The following DOK6 variants were observed in gnomAD, a reference collection of about 807,000 sequenced individuals.
DOK6 encodes the protein downstream of tyrosine kinase 6.
DOK6 carries 22 observed loss-of-function variants against 44.0 expected under a neutral mutation model. That is an observed-to-expected ratio of 0.50 (90% CI 0.36 to 0.71). DOK6 has a LOEUF of 0.71. DOK6 is among the 30% of genes least tolerant of loss of function. DOK6 has a pLI of 0.00. For synonymous variants in DOK6, 166 were observed against 145.5 expected (o/e 1.14, Z -1.01); for missense variants, 340 against 416.4 (o/e 0.82, Z 1.60).
rs937235882 is a variant in DOK6 at position 69,847,890 on chromosome 18, G to A, written c.*6507G>A. On this transcript the variant is annotated 3_prime_UTR_variant, in exon 8 of 8. Coordinates refer to ENST00000382713, the MANE Select transcript of DOK6 (RefSeq NM_152721.6). ...TACTGTATTACTTTAGTTATAGCAA[G>A]CAGTACATAAATGACATCAACAACT... is the stretch of plus-strand genomic sequence containing the variant. The A allele has an allele frequency of 6.6e-6, 1 of 151,934 alleles. No homozygotes were observed. Among genetic ancestry groups the A allele is most frequent in the Non-Finnish European group, 1.5e-5 (1 of 67,994 alleles). 9.4% of individuals were successfully genotyped at this position (151,934 alleles called of 1,614,324 possible). A position where few individuals can be genotyped will look rare whatever the true frequency, so the allele number is the denominator to read the frequency against.
intron 1 of DOK6, among the ~76,000 whole-genome samples, chr18:69,551,801 T>A (rs191846366): frequency 3.5e-4 from 53 of 152,358 alleles, no homozygotes; most frequent in Admixed American, 1.5e-3. Flanking sequence ...TTTTAATATA[T>A]GTGTATTGTT....
intron 7 of DOK6, among the ~76,000 whole-genome samples, chr18:69,811,314 T>C (rs1409337909): frequency 6.6e-6 from 1 of 151,722 alleles, no homozygotes; most frequent in Admixed American, 6.6e-5. Context: ...GGGGAGCTGA[T>C]GGATTGGGGA....
chr18:69,731,105 A>T (rs570495588), intron 5 of DOK6, among the ~76,000 whole-genome samples: 1 of 152,246 alleles, frequency 6.6e-6, no homozygotes, highest in East Asian at 1.9e-4. Flanking sequence ...ACTAAAAAAA[A>T]TGTGGTACTT....
At chr18:69,830,519 C>T (rs915282344) in intron 7 of DOK6, among the ~76,000 whole-genome samples, 3 of 152,112 alleles carry the variant, frequency 2.0e-5, no homozygotes, top group Non-Finnish European at 4.4e-5. Context: ...AGGAAAGAGG[C>T]CTCAGAAGAA....
chr18:69,626,635 G>C (rs926930233), intron 3 of DOK6, among the ~76,000 whole-genome samples: 3 of 152,158 alleles, frequency 2.0e-5, no homozygotes, highest in African/African-American at 7.2e-5. Flanking sequence ...AATCGAGGCA[G>C]GAAAAACTGG....
intron 1 of DOK6, among the ~76,000 whole-genome samples, chr18:69,517,504 C>T (rs1409578512): frequency 6.6e-6 from 1 of 152,110 alleles, no homozygotes; most frequent in African/African-American, 2.4e-5. Flanking sequence ...ATGGGAGTCT[C>T]TTCTATAATC....
At chr18:69,685,210 TAA>T (rs1986125615) in intron 4 of DOK6, among the ~76,000 whole-genome samples, 1 of 152,182 alleles carries the variant, frequency 6.6e-6, no homozygotes, top group Non-Finnish European at 1.5e-5. Flanking sequence ...TTGGTATACG[TAA>T]GTTTCGATTA....
At chr18:69,579,918 C>T (rs12967039) in intron 2 of DOK6, among the ~76,000 whole-genome samples, 60,268 of 151,944 alleles carry the variant, frequency 0.4, 13,594 homozygotes, top group South Asian at 0.5. Context: ...CCACTCTGCC[C>T]GGCCAGAAGT....
chr18:69,454,984 C>T (rs1599139298), intron 1 of DOK6, among the ~76,000 whole-genome samples: 1 of 143,826 alleles, frequency 7.0e-6, no homozygotes, highest in African/African-American at 2.6e-5. Context: ...GGGTGCAGCG[C>T]ACCAGCATGG....
chr18:69,665,180 C>CA (rs1322581912), intron 3 of DOK6, among the ~76,000 whole-genome samples: 5 of 147,866 alleles, frequency 3.4e-5, no homozygotes, highest in East Asian at 2.0e-4. Context: ...GACTCCGTCT[C>CA]AAAAAAAAGA....
At chr18:69,791,440 G>C (rs1209737064) in intron 7 of DOK6, among the ~76,000 whole-genome samples, 1 of 152,098 alleles carries the variant, frequency 6.6e-6, no homozygotes, top group Non-Finnish European at 1.5e-5. Flanking sequence ...TTGAATAAAA[G>C]CCATTTTAAC....
chr18:69,686,110 G>T (rs757814386), intron 4 of DOK6, among the ~76,000 whole-genome samples: 10 of 152,054 alleles, frequency 6.6e-5, no homozygotes, highest in Non-Finnish European at 1.2e-4. Context: ...GGCAGAGACA[G>T]AGGGAAAACC....
chr18:69,657,330 G>T (rs928818173), intron 3 of DOK6, among the ~76,000 whole-genome samples: 1 of 152,148 alleles, frequency 6.6e-6, no homozygotes, highest in African/African-American at 2.4e-5. Context: ...TGCCACATAT[G>T]AATTTTAACT....
At chr18:69,657,494 T>C (rs1985398964) in intron 3 of DOK6, among the ~76,000 whole-genome samples, 1 of 152,166 alleles carries the variant, frequency 6.6e-6, no homozygotes, top group Non-Finnish European at 1.5e-5. Flanking sequence ...GTTATAGGAA[T>C]CCTCTGAGAT....
intron 1 of DOK6, among the ~76,000 whole-genome samples, chr18:69,406,678 T>C (rs1463998342): frequency 6.6e-6 from 1 of 152,166 alleles, no homozygotes; most frequent in Non-Finnish European, 1.5e-5. Flanking sequence ...AGTGCTACAG[T>C]GGTCAAATAT....
At chr18:69,454,135 GA>G (rs1278708129) in intron 1 of DOK6, among the ~76,000 whole-genome samples, 1 of 16,794 alleles carries the variant, frequency 6.0e-5, no homozygotes, top group Non-Finnish European at 1.1e-4. Flanking sequence ...TACAACATGG[GA>G]GAAAATTTTC....
Position 69,827,893 on chromosome 18 carries a change from A to G in DOK6, c.857-13351A>G, listed in dbSNP as rs574516659. The stretch of plus-strand genomic sequence containing the variant: ...ATTCATTTAAATTTTTAGAAAAGAA[A>G]TGTAGCAAAATTTTCAAGTTTTTTC... On this transcript the variant is annotated intron_variant, in intron 7 of 7. Transcript: ENST00000382713. 6.8e-3 allele frequency among the ~76,000 whole-genome samples: 1,028 copies of G among 152,114 alleles called. 7 individuals are homozygous for G. Among genetic ancestry groups the G allele is most frequent in the African/African-American group, 0.023 (976 of 41,560 alleles).
intron 1 of DOK6, among the ~76,000 whole-genome samples, chr18:69,548,232 C>T (rs139157628): frequency 6.6e-6 from 1 of 151,268 alleles, no homozygotes; most frequent in Non-Finnish European, 1.5e-5. Context: ...GGATTACAGG[C>T]GTGAGCCACC....
rs1982220908 is a variant in DOK6, at chr18:69,841,521, T to C, written c.*138T>C. 2.5e-6 allele frequency: 3 copies of C among 1,208,108 alleles called. No homozygotes were observed. The Admixed American group carries it at 8.5e-5, about 34-fold the overall frequency. 74.8% of individuals were successfully genotyped at this position (1,208,108 alleles called of 1,614,324 possible). On this transcript the variant is annotated 3_prime_UTR_variant, in exon 8 of 8. Transcript: ENST00000382713. Reference sequence around the variant, plus strand: ...CTCTAGCCCCAGTCCCATTGGAAGGTTAAAAACTGGAGTTCTGCTTCCTTG... The same window carrying C: ...CTCTAGCCCCAGTCCCATTGGAAGGCTAAAAACTGGAGTTCTGCTTCCTTG...
Sources: gnomAD v4.1 joint callset for allele counts (sites outside exome capture counted in the v4.1 genomes callset) on GRCh38, gnomAD v4.1.1 for gene constraint, MANE v1.5 for transcripts, NCBI Gene and HGNC (gene_info 2026-07-23, HGNC 2026-07-21) for gene names.